The following LVRN variants were observed in gnomAD, a reference collection of about 807,000 sequenced individuals.
The protein encoded by LVRN is aminopeptidase Q.
In LVRN, 99 loss-of-function variants were observed where a neutral mutation model predicts 111.4. The observed-to-expected ratio is 0.89, with a 90% CI of 0.76 to 1.05. The LOEUF is 1.05. LVRN is among the 50% of genes least tolerant of loss of function. The pLI, the probability that LVRN is intolerant of heterozygous loss-of-function variation, is 0.00. For missense variants in LVRN, 1,414 were observed against 1,206.8 expected (o/e 1.17, Z -2.54); for synonymous variants, 488 against 449.5 (o/e 1.09, Z -1.08).
intron 18 of LVRN, among the ~76,000 whole-genome samples, chr5:116,016,976 A>T (rs1009611235): frequency 6.6e-6 from 1 of 152,242 alleles, no homozygotes; most frequent in African/African-American, 2.4e-5. Context: ...TAGTCCTTCT[A>T]CATCAAGGTG....
At chr5:115,969,144 T>C (rs1469982793) in intron 1 of LVRN, among the ~76,000 whole-genome samples, 1 of 152,242 alleles carries the variant, frequency 6.6e-6, no homozygotes, top group Non-Finnish European at 1.5e-5. Flanking sequence ...GGAAGCGTCT[T>C]AGTTCTCATG....
At chr5:115,964,067 G>A (rs1015083792) in intron 1 of LVRN, among the ~76,000 whole-genome samples, 3 of 152,212 alleles carry the variant, frequency 2.0e-5, no homozygotes, top group Non-Finnish European at 2.9e-5. Context: ...TACACGGAAT[G>A]TTTCCTGCCC....
In LVRN at chr5:115,963,136, C is replaced by A; in HGVS notation, c.519C>A (p.Arg173=). The A allele has an allele frequency of 6.2e-7, 1 of 1,613,392 alleles. No homozygotes were observed. The highest frequency in any genetic ancestry group is 8.5e-7 in the Non-Finnish European group (1 of 1,179,896). Reference sequence around the variant, plus strand: ...GCACTGGGAACGCCACAGTGGGCCGCGTGCCCGTGGACGACGTGTGGTTCG... The same window carrying A: ...GCACTGGGAACGCCACAGTGGGCCGAGTGCCCGTGGACGACGTGTGGTTCG... ...SPGTGNATVG[R]VPVDDVWFAL... Residue 173 remains arginine, a synonymous_variant, in exon 1 of 20, where the codon CGC becomes CGA. Coordinates refer to ENST00000357872, the MANE Select transcript of LVRN (RefSeq NM_173800.5).
At chr5:115,997,384 C>G (rs1475905242) in intron 6 of LVRN, among the ~76,000 whole-genome samples, 3 of 152,140 alleles carry the variant, frequency 2.0e-5, no homozygotes, top group Non-Finnish European at 4.4e-5. Flanking sequence ...AGATTTTATG[C>G]TATGTGTGGT....
At chr5:115,978,881 G>A (rs1753505226) in intron 1 of LVRN, among the ~76,000 whole-genome samples, 1 of 152,080 alleles carries the variant, frequency 6.6e-6, no homozygotes, top group Non-Finnish European at 1.5e-5. Context: ...TTGTCATTTG[G>A]TCTCATTCTG....
chr5:115,999,206 T>G (rs1375928416), intron 6 of LVRN, among the ~76,000 whole-genome samples: 35 of 152,258 alleles, frequency 2.3e-4, no homozygotes, highest in Admixed American at 2.3e-3. Flanking sequence ...GCTAGTCTTT[T>G]AAAGAGTCCT....
intron 1 of LVRN, among the ~76,000 whole-genome samples, chr5:115,967,238 G>A (rs1305002640): frequency 2.0e-5 from 3 of 152,250 alleles, no homozygotes; most frequent in South Asian, 2.1e-4. Flanking sequence ...CAAGCCCTAG[G>A]TTCTGCAGAT....
At position 115,966,020 on chromosome 5, in the gene LVRN, T is replaced by C. The variant is rs113993493; in HGVS notation, c.695+2708T>C. Among the ~76,000 whole-genome samples, 186 of 152,238 alleles carry C rather than the reference T, an allele frequency of 1.2e-3. 1 individual carries two copies. The East Asian group carries it at 0.013, about 11-fold the overall frequency. On this transcript the variant is annotated intron_variant, in intron 1 of 19. Coordinates refer to ENST00000357872, the MANE Select transcript of LVRN (RefSeq NM_173800.5). ...AAGTTGCAAAGATAATATAGAGAGG[T>C]CCTAGGTACCCTTCATCTAGTTTAT...
At chr5:115,992,726 A>C (rs1748023438) in intron 5 of LVRN, among the ~76,000 whole-genome samples, 2 of 152,222 alleles carry the variant, frequency 1.3e-5, no homozygotes, top group African/African-American at 2.4e-5. Flanking sequence ...TAGATTAGCA[A>C]GGTGGCAATA....
At position 116,015,434 on chromosome 5, in the gene LVRN, C is replaced by A; in HGVS notation, c.2618+15C>A. 6.6e-7 allele frequency: 1 copy of A among 1,521,260 alleles called. No individual in the cohort carries two copies. The highest frequency in any genetic ancestry group is 8.8e-7 in the Non-Finnish European group (1 of 1,139,380). The allele number at this position is 1,521,260 out of a possible 1,614,324, so 94.2% of individuals were successfully genotyped here. ...ATACTTAACAGGTGATTATGGTCAA[C>A]TTACCTTGAAAGTTTCTGTTATAGG... On this transcript the variant is annotated intron_variant, in intron 17 of 19. Coordinates refer to ENST00000357872, the MANE Select transcript of LVRN (RefSeq NM_173800.5).
At chr5:115,966,722 C>A (rs567980139) in intron 1 of LVRN, among the ~76,000 whole-genome samples, 5 of 152,278 alleles carry the variant, frequency 3.3e-5, no homozygotes, top group South Asian at 4.2e-4. Context: ...TAAGAAATTG[C>A]CAAATTGTTT....
chr5:116,015,465 A>C lies in LVRN; in HGVS notation c.2618+46A>C, dbSNP rs775037896. 7 of 1,502,534 alleles carry C rather than the reference A, an allele frequency of 4.7e-6. No individual in the cohort carries two copies. The African/African-American group carries it at 7.1e-5, about 15-fold the overall frequency. 93.1% of individuals were successfully genotyped at this position (1,502,534 alleles called of 1,614,324 possible). On this transcript the variant is annotated intron_variant, in intron 17 of 19. Transcript: ENST00000357872. ...TTGAAAGTTTCTGTTATAGGAATTAAATTAATAAAGGAAAAAAAATAGAAA... is the reference window on the plus strand; with the variant it reads ...TTGAAAGTTTCTGTTATAGGAATTACATTAATAAAGGAAAAAAAATAGAAA...
At chr5:115,989,076 C>G (rs979547397) in intron 4 of LVRN, among the ~76,000 whole-genome samples, 1 of 152,112 alleles carries the variant, frequency 6.6e-6, no homozygotes, top group Non-Finnish European at 1.5e-5. Flanking sequence ...TCCACCACAG[C>G]TGTACTCTCA....
chr5:115,981,512 A>G (rs1753559740), intron 1 of LVRN, among the ~76,000 whole-genome samples: 1 of 152,186 alleles, frequency 6.6e-6, no homozygotes, highest in Non-Finnish European at 1.5e-5. Context: ...TGATATAGGC[A>G]TGGAATGCAT....
At chr5:116,015,033 A>G (rs995556404) in intron 16 of LVRN, among the ~76,000 whole-genome samples, 6 of 152,072 alleles carry the variant, frequency 3.9e-5, no homozygotes. Flanking sequence ...TACTATTCTA[A>G]TTTACTTCTT....
At chr5:116,009,341 A>G (rs1483873780) in intron 13 of LVRN, among the ~76,000 whole-genome samples, 1 of 152,208 alleles carries the variant, frequency 6.6e-6, no homozygotes, top group Non-Finnish European at 1.5e-5. Context: ...ATGGAGATGT[A>G]CAAGGAGATT....
chr5:116,012,501 A>T, intron 15 of LVRN, 33 bp downstream of exon 15: 1 of 1,281,374 alleles, frequency 7.8e-7, no homozygotes, highest in Non-Finnish European at 1.1e-6. Context: ...TAATTGAATA[A>T]AATGCATTCA....
At chr5:115,995,899 C>A (rs1453990742) in intron 6 of LVRN, among the ~76,000 whole-genome samples, 1 of 152,116 alleles carries the variant, frequency 6.6e-6, no homozygotes, top group East Asian at 1.9e-4. Context: ...AACCACTGTG[C>A]TCTATAGCAA....
chr5:116,021,877 C>G (rs1748738661), intron 18 of LVRN: 1 of 332,328 alleles, frequency 3.0e-6, no homozygotes. Flanking sequence ...GAAACAAGCA[C>G]AGGGAGAGCC....
Sources: gnomAD v4.1 joint callset for allele counts (sites outside exome capture counted in the v4.1 genomes callset) on GRCh38, gnomAD v4.1.1 for gene constraint, MANE v1.5 for transcripts, NCBI Gene and HGNC (gene_info 2026-07-23, HGNC 2026-07-21) for gene names.